Variants in EPB41L5 observed in about 807,000 individuals in gnomAD.
The protein encoded by EPB41L5 is band 4.1-like protein 5.
Under a neutral mutation model 106.6 loss-of-function variants are expected in EPB41L5, and 55 were observed. That is an observed-to-expected ratio of 0.52 (90% CI 0.42 to 0.65). The LOEUF (loss-of-function observed/expected upper bound fraction) is 0.65, where lower values mean the gene tolerates loss of function less well. Among genes scored for constraint, EPB41L5 ranks in the 30% least tolerant of loss-of-function variants. The pLI, the probability that EPB41L5 is intolerant of heterozygous loss-of-function variation, is 0.00. For synonymous variants in EPB41L5, 297 were observed against 306.7 expected (o/e 0.97, Z 0.33); for missense variants, 871 against 882.1 (o/e 0.99, Z 0.16).
chr2:120,151,343 G>T (rs1396370160), intron 20 of EPB41L5, among the ~76,000 whole-genome samples: 1 of 151,862 alleles, frequency 6.6e-6, no homozygotes, highest in Non-Finnish European at 1.5e-5. Flanking sequence ...AAACCTATTA[G>T]ATCTAATAAA....
chr2:120,028,065 T>C (rs1304032932), intron 2 of EPB41L5, among the ~76,000 whole-genome samples: 1 of 152,096 alleles, frequency 6.6e-6, no homozygotes, highest in Non-Finnish European at 1.5e-5. Flanking sequence ...GGTTTCACCA[T>C]ATTGGCCAGG....
chr2:120,062,655 T>A (rs957321493), intron 3 of EPB41L5, among the ~76,000 whole-genome samples: 7 of 152,188 alleles, frequency 4.6e-5, no homozygotes, highest in Non-Finnish European at 7.3e-5. Flanking sequence ...CATTAGAAAA[T>A]GCTGTATTAT....
At chr2:120,074,337 A>T (rs1682083482) in intron 5 of EPB41L5, 159 bp downstream of exon 5, 1 of 581,310 alleles carries the variant, frequency 1.7e-6, no homozygotes, top group Non-Finnish European at 3.0e-6. Flanking sequence ...GTGTTTTTTA[A>T]GTGTATGATT....
chr2:120,117,176 C>CT (rs972958736), intron 16 of EPB41L5, among the ~76,000 whole-genome samples: 16 of 152,154 alleles, frequency 1.1e-4, no homozygotes, highest in African/African-American at 1.7e-4. Flanking sequence ...TGCCAACACT[C>CT]TAACTCCCAA....
intron 2 of EPB41L5, among the ~76,000 whole-genome samples, chr2:120,040,168 A>G (rs550733569): frequency 1.2e-4 from 18 of 152,162 alleles, no homozygotes; most frequent in South Asian, 6.2e-4. Flanking sequence ...CAAAGGAGAA[A>G]TATTTGAGAA....
chr2:120,129,312 G>A (rs1421580798), intron 17 of EPB41L5, among the ~76,000 whole-genome samples: 2 of 149,296 alleles, frequency 1.3e-5, no homozygotes, highest in Admixed American at 1.4e-4. Flanking sequence ...CTCCAGCCTG[G>A]GCCACAGAGC....
At chr2:120,105,353 A>T in intron 16 of EPB41L5, 11 of 973,188 alleles carry the variant, frequency 1.1e-5, no homozygotes, top group Non-Finnish European at 1.3e-5. Flanking sequence ...CGAAGAGTTT[A>T]TAATGCTTCA....
At chr2:120,046,309 C>G (rs1273417199) in intron 3 of EPB41L5, among the ~76,000 whole-genome samples, 2 of 152,208 alleles carry the variant, frequency 1.3e-5, no homozygotes. Context: ...CACTTCCTCT[C>G]CAGCACCTGT....
chr2:120,148,570 G>T (rs999532869), intron 20 of EPB41L5, among the ~76,000 whole-genome samples: 2 of 151,998 alleles, frequency 1.3e-5, no homozygotes, highest in Non-Finnish European at 2.9e-5. Context: ...TGTCTCTGTG[G>T]ATTTACCTAC....
At chr2:120,138,388 G>A (rs531288151) in intron 18 of EPB41L5, among the ~76,000 whole-genome samples, 2 of 151,872 alleles carry the variant, frequency 1.3e-5, no homozygotes, top group South Asian at 4.2e-4. Context: ...CATCTAAATT[G>A]GAAAGGAAGA....
intron 19 of EPB41L5, among the ~76,000 whole-genome samples, chr2:120,145,625 A>G (rs531175905): frequency 8.5e-5 from 13 of 152,132 alleles, no homozygotes; most frequent in Non-Finnish European, 1.2e-4. Flanking sequence ...AAAAAAATTT[A>G]TTAAACTGTA....
chr2:120,075,272 G>T (rs1294668095), intron 5 of EPB41L5, among the ~76,000 whole-genome samples: 1 of 152,118 alleles, frequency 6.6e-6, no homozygotes, highest in Non-Finnish European at 1.5e-5. Flanking sequence ...TTAAGGTGAT[G>T]GATACCCCAC....
intron 11 of EPB41L5, among the ~76,000 whole-genome samples, chr2:120,087,489 T>C (rs561009013): frequency 2.0e-5 from 3 of 152,290 alleles, no homozygotes; most frequent in East Asian, 3.9e-4. Flanking sequence ...CTGAGGTGTA[T>C]AAAAAATTAC....
At chr2:120,144,280 G>A (rs993556121) in intron 19 of EPB41L5, among the ~76,000 whole-genome samples, 9 of 152,188 alleles carry the variant, frequency 5.9e-5, no homozygotes, top group Admixed American at 2.6e-4. Context: ...GTGAGAAGGC[G>A]CCATCTATGA....
chr2:120,067,395 A>G (rs527716361), intron 3 of EPB41L5, among the ~76,000 whole-genome samples: 7 of 152,290 alleles, frequency 4.6e-5, no homozygotes, highest in Admixed American at 3.3e-4. Context: ...TGGCTCTGTG[A>G]ACTAGTTAGC....
intron 16 of EPB41L5, among the ~76,000 whole-genome samples, chr2:120,123,837 C>T (rs1481636133): frequency 6.6e-6 from 1 of 151,212 alleles, no homozygotes; most frequent in African/African-American, 2.4e-5. Flanking sequence ...TTTTTGTTTT[C>T]AGTAGAGATG....
At chr2:120,110,802 T>G (rs536702172) in intron 16 of EPB41L5, among the ~76,000 whole-genome samples, 3 of 151,940 alleles carry the variant, frequency 2.0e-5, no homozygotes, top group Admixed American at 2.0e-4. Flanking sequence ...GCCCAGCTAA[T>G]TTTTGTATTT....
intron 24 of EPB41L5, among the ~76,000 whole-genome samples, chr2:120,168,270 A>C (rs1220152574): frequency 7.2e-5 from 11 of 152,176 alleles, no homozygotes. Context: ...GTTGTTTTAA[A>C]GTCAATTTGT....
intron 20 of EPB41L5, among the ~76,000 whole-genome samples, chr2:120,153,190 AT>A (rs1467080821): frequency 6.6e-6 from 1 of 151,642 alleles, no homozygotes; most frequent in Non-Finnish European, 1.5e-5. Context: ...ATATTTTGGT[AT>A]TTTTTTCATT....
Sources: gnomAD v4.1 joint callset for allele counts (sites outside exome capture counted in the v4.1 genomes callset) on GRCh38, gnomAD v4.1.1 for gene constraint, MANE v1.5 for transcripts, NCBI Gene and HGNC (gene_info 2026-07-23, HGNC 2026-07-21) for gene names.